DCDC1: variants seen among roughly 807,000 people sequenced by gnomAD.
The protein encoded by DCDC1 is doublecortin domain containing 1, also known as doublecortin domain-containing protein 1.
In DCDC1, 200 loss-of-function variants were observed where a neutral mutation model predicts 178.3. The observed-to-expected ratio is 1.12, with a 90% confidence interval of 1.00 to 1.26. DCDC1 has a LOEUF of 1.26. Ranked by LOEUF, DCDC1 falls within the 50% of genes most tolerant of loss-of-function variation. The pLI is 0.00. For synonymous variants in DCDC1, 690 were observed against 604.8 expected (o/e 1.14, Z -2.07); for missense variants, 1,983 against 1,749.2 (o/e 1.13, Z -2.38).
At chr11:30,866,287 C>A (rs921537255) in intron 38 of DCDC1, among the ~76,000 whole-genome samples, 14 of 152,134 alleles carry the variant, frequency 9.2e-5, no homozygotes, top group African/African-American at 3.4e-4. Context: ...TTATTTCTCA[C>A]TGTTCTGGAG....
chr11:30,959,903 C>T (rs1420950406), intron 20 of DCDC1, among the ~76,000 whole-genome samples: 1 of 152,122 alleles, frequency 6.6e-6, no homozygotes, highest in African/African-American at 2.4e-5. Flanking sequence ...TACTTTATTT[C>T]CCTCCTTCCC....
intron 13 of DCDC1, among the ~76,000 whole-genome samples, chr11:31,104,209 T>C (rs563388552): frequency 1.3e-5 from 2 of 152,172 alleles, no homozygotes; most frequent in South Asian, 4.1e-4. Context: ...ATTTTCATAT[T>C]ACATATTGTT....
intron 21 of DCDC1, among the ~76,000 whole-genome samples, chr11:30,941,029 T>C (rs541664708): frequency 1.4e-4 from 22 of 152,334 alleles, no homozygotes; most frequent in African/African-American, 5.3e-4. Context: ...TAATATATGG[T>C]CTTATAAAAT....
intron 9 of DCDC1, among the ~76,000 whole-genome samples, chr11:31,202,940 A>G (rs1279480963): frequency 6.6e-6 from 1 of 152,194 alleles, no homozygotes; most frequent in Non-Finnish European, 1.5e-5. Flanking sequence ...GGAAGGAAAT[A>G]GAACATGTGA....
At chr11:31,080,330 T>C (rs547761585) in intron 17 of DCDC1, among the ~76,000 whole-genome samples, 5 of 152,266 alleles carry the variant, frequency 3.3e-5, no homozygotes, top group Admixed American at 1.3e-4. Flanking sequence ...ACAGCACTAG[T>C]TATTATACAA....
chr11:30,986,776 C>T (rs1490489147), intron 20 of DCDC1, among the ~76,000 whole-genome samples: 2 of 151,898 alleles, frequency 1.3e-5, no homozygotes, highest in Non-Finnish European at 2.9e-5. Context: ...GTTTCTTTTC[C>T]AGAAACAGAT....
intron 21 of DCDC1, among the ~76,000 whole-genome samples, chr11:30,938,139 T>C (rs1214931008): frequency 6.6e-6 from 1 of 152,152 alleles, no homozygotes; most frequent in Non-Finnish European, 1.5e-5. Context: ...ACATTATTTT[T>C]CTCCCCAGTC....
chr11:31,078,959 T>C (rs991011354), intron 17 of DCDC1, among the ~76,000 whole-genome samples: 1 of 152,036 alleles, frequency 6.6e-6, no homozygotes, highest in Non-Finnish European at 1.5e-5. Flanking sequence ...AAATGAAAAA[T>C]CAAATGTTTA....
At chr11:30,996,212 C>T (rs1232571531) in intron 20 of DCDC1, among the ~76,000 whole-genome samples, 4 of 151,968 alleles carry the variant, frequency 2.6e-5, no homozygotes, top group African/African-American at 7.3e-5. Context: ...CCATAATGAA[C>T]GATCACCACA....
chr11:31,181,820 T>C (rs1483949540), intron 9 of DCDC1, among the ~76,000 whole-genome samples: 1 of 151,552 alleles, frequency 6.6e-6, no homozygotes, highest in African/African-American at 2.4e-5. Flanking sequence ...TCTAACCCAA[T>C]ACAAGGAAGC....
intron 9 of DCDC1, among the ~76,000 whole-genome samples, chr11:31,153,639 C>T (rs767155045): frequency 1.3e-5 from 2 of 151,936 alleles, no homozygotes; most frequent in Admixed American, 6.6e-5. Context: ...AAAAATCAGC[C>T]GGGCATGGTG....
chr11:31,071,760 G>A (rs1956579689), intron 18 of DCDC1, among the ~76,000 whole-genome samples: 1 of 152,176 alleles, frequency 6.6e-6, no homozygotes, highest in Non-Finnish European at 1.5e-5. Context: ...TTCAGCTTCT[G>A]TTTTGCTCTT....
At chr11:31,184,859 C>T (rs1407441415) in intron 9 of DCDC1, among the ~76,000 whole-genome samples, 1 of 152,082 alleles carries the variant, frequency 6.6e-6, no homozygotes, top group African/African-American at 2.4e-5. Context: ...GACAGATCCT[C>T]AAGGATCTAG....
chr11:31,028,753 C>T (rs1238322524), intron 20 of DCDC1, among the ~76,000 whole-genome samples: 3 of 151,894 alleles, frequency 2.0e-5, no homozygotes, highest in African/African-American at 4.8e-5. Context: ...GGGCTTTCTA[C>T]TAAGAGGAAT....
At chr11:31,143,684 A>G (rs1030684198) in intron 9 of DCDC1, among the ~76,000 whole-genome samples, 5 of 152,202 alleles carry the variant, frequency 3.3e-5, no homozygotes, top group African/African-American at 1.2e-4. Flanking sequence ...GCCTTAACTA[A>G]GTCCTGACCT....
Position 31,241,596 on chromosome 11 carries a change from G to A in DCDC1, c.1075C>T (p.Leu359=). ...ISKVPLLEKC[L]QNSITPLRGL... Reference sequence around the variant, plus strand: ...CGCAAAGGTGTGATGGAATTTTGCAGGCATTTTTCAAGCAGAGGAACTATG... The same window carrying A: ...CGCAAAGGTGTGATGGAATTTTGCAAGCATTTTTCAAGCAGAGGAACTATG... The change falls in exon 9 of 39, where the codon CTG becomes TTG. Residue 359 remains leucine, a synonymous_variant. Transcript: ENST00000684477. 1 of 397,248 alleles carries A rather than the reference G, an allele frequency of 2.5e-6. No homozygotes were observed. Among genetic ancestry groups the A allele is most frequent in the Non-Finnish European group, 4.4e-6 (1 of 224,858 alleles). 24.6% of individuals were successfully genotyped at this position (397,248 alleles called of 1,614,324 possible).
intron 1 of DCDC1, among the ~76,000 whole-genome samples, chr11:31,349,615 G>A (rs1300354392): frequency 6.6e-6 from 1 of 152,018 alleles, no homozygotes; most frequent in Non-Finnish European, 1.5e-5. Context: ...ATCTATTCTT[G>A]GAATTAGTAA....
intron 1 of DCDC1, among the ~76,000 whole-genome samples, chr11:31,354,219 G>A (rs1951217360): frequency 6.6e-6 from 1 of 152,166 alleles, no homozygotes; most frequent in South Asian, 2.1e-4. Context: ...CTGGGAGGCG[G>A]AGGTTGCAGT....
At position 31,328,613 on chromosome 11, in the gene DCDC1, A is replaced by G. The variant is rs528891510; in HGVS notation, c.-6-327T>C. The stretch of plus-strand genomic sequence containing the variant: ...GGAGATAGAGACCATCCTGGCTAAC[A>G]CAGTGAAACCCCGTCTCTACTAAAA... On this transcript the variant is annotated intron_variant, in intron 2 of 38. Coordinates refer to ENST00000684477, the MANE Select transcript of DCDC1 (RefSeq NM_001387274.1). Among the ~76,000 whole-genome samples, 7 of 152,216 alleles carry G rather than the reference A, an allele frequency of 4.6e-5. No individual in the cohort carries two copies. In the South Asian group the frequency reaches 8.3e-4, roughly 18 times the overall value.
Sources: allele counts gnomAD v4.1 joint callset (sites outside exome capture counted in the v4.1 genomes callset), GRCh38; gene constraint gnomAD v4.1.1; transcripts MANE v1.5; gene names NCBI Gene and HGNC (gene_info 2026-07-23, HGNC 2026-07-21).